MYT1L: variants seen among roughly 807,000 people sequenced by gnomAD.
MYT1L encodes the protein myelin transcription factor 1-like protein.
MYT1L carries 12 observed loss-of-function variants against 126.7 expected under a neutral mutation model. That is an observed-to-expected ratio of 0.09 (90% CI 0.06 to 0.15). The LOEUF (loss-of-function observed/expected upper bound fraction) is 0.15. Among genes scored for constraint, MYT1L ranks in the 10% least tolerant of loss-of-function variants. MYT1L has a pLI of 1.00. For synonymous variants in MYT1L, 541 were observed against 604.2 expected, an observed-to-expected ratio of 0.90 and a Z score of 1.53; for missense variants, 979 against 1,585.2, an observed-to-expected ratio of 0.62 and a Z score of 6.49.
At chr2:1,913,789 C>T (rs2052414131) in intron 11 of MYT1L, among the ~76,000 whole-genome samples, 1 of 152,122 alleles carries the variant, frequency 6.6e-6, no homozygotes, top group Non-Finnish European at 1.5e-5. Context: ...ATGCACACTC[C>T]CAGCCTCGCC....
intron 4 of MYT1L, among the ~76,000 whole-genome samples, chr2:2,049,211 A>G (rs193219387): frequency 6.4e-4 from 98 of 152,340 alleles, no homozygotes; most frequent in African/African-American, 2.2e-3. Flanking sequence ...CTATAAAGTT[A>G]TATTAACGGC....
At chr2:2,222,609 T>C (rs1391463129) in intron 2 of MYT1L, among the ~76,000 whole-genome samples, 1 of 152,198 alleles carries the variant, frequency 6.6e-6, no homozygotes, top group Non-Finnish European at 1.5e-5. Flanking sequence ...AAAATTATGA[T>C]GTTGCCTGGT....
intron 18 of MYT1L, among the ~76,000 whole-genome samples, chr2:1,861,503 CTT>C (rs34596674): frequency 6.1e-4 from 88 of 144,348 alleles, no homozygotes; most frequent in East Asian, 2.8e-3. Flanking sequence ...GTTTGTGAAT[CTT>C]TTTTTTTTTT....
intron 3 of MYT1L, among the ~76,000 whole-genome samples, chr2:2,148,315 T>C (rs1229643687): frequency 2.0e-5 from 3 of 152,182 alleles, no homozygotes; most frequent in African/African-American, 7.2e-5. Context: ...AGGCATTAGA[T>C]TCTCATATAC....
intron 5 of MYT1L, among the ~76,000 whole-genome samples, chr2:1,985,777 A>T (rs1409360489): frequency 6.6e-6 from 1 of 152,218 alleles, no homozygotes; most frequent in African/African-American, 2.4e-5. Context: ...GTCTTGTAAT[A>T]GGCCCCCTAG....
Position 2,228,942 on chromosome 2 carries a change from A to G in MYT1L, c.-421+55462T>C, listed in dbSNP as rs572944018. ...GAAGAAACACAAGCAGTAGAGAAGG[A>G]TATGAAGTGAAACACGGGGGTCTTC... On this transcript the variant is annotated intron_variant, in intron 2 of 24. Transcript: ENST00000647738. This position sits in a 1 kb window ranked among gnomAD's most constrained non-coding sequence, Gnocchi z 5.9. Among the ~76,000 whole-genome samples, 33 of 152,258 alleles carry G rather than the reference A, an allele frequency of 2.2e-4. No homozygotes were observed. Among genetic ancestry groups the G allele is most frequent in the African/African-American group, 7.5e-4 (31 of 41,558 alleles).
chr2:2,319,825 G>A (rs58523213), intron 1 of MYT1L, among the ~76,000 whole-genome samples: 7,109 of 151,756 alleles, frequency 0.047, 283 homozygotes, highest in African/African-American at 0.11. Flanking sequence ...TTTTTGTGGG[G>A]CAGAAATTTG....
chr2:2,306,790 C>T (rs1222372304), intron 1 of MYT1L, among the ~76,000 whole-genome samples: 1 of 152,124 alleles, frequency 6.6e-6, no homozygotes, highest in Admixed American at 6.6e-5. Flanking sequence ...TACTGAGAAC[C>T]AACTATGTCC....
At chr2:2,181,820 T>C (rs1286813164) in intron 2 of MYT1L, among the ~76,000 whole-genome samples, 1 of 152,198 alleles carries the variant, frequency 6.6e-6, no homozygotes, top group Non-Finnish European at 1.5e-5. Context: ...AAAAGGACTT[T>C]CCACGTTCCA....
Position 1,839,233 on chromosome 2 carries a change from G to A in MYT1L, c.2996C>T (p.Ser999Leu), listed in dbSNP as rs764705470. Residue 999 changes from serine to leucine, a missense_variant, in exon 21 of 25, where the codon TCG becomes TTG. Coordinates refer to ENST00000647738, the MANE Select transcript of MYT1L (RefSeq NM_001303052.2). ...YLNGSQFSWK[S>L]VKTEGMSCPT... is the part of the protein sequence containing the mutation. ...GCAGGACATGCCTTCCGTCTTGACC[G>A]ACTTCCAGGAGAACTGGGAGCCATT... The A allele has an allele frequency of 4.3e-6, 7 of 1,613,582 alleles. No individual in the cohort carries two copies. The highest frequency in any genetic ancestry group is 3.3e-5 in the Admixed American group (2 of 60,014).
At chr2:2,044,401 T>C (rs1010234256) in intron 4 of MYT1L, among the ~76,000 whole-genome samples, 13 of 152,172 alleles carry the variant, frequency 8.5e-5, no homozygotes, top group Middle Eastern at 3.2e-3. Context: ...GGTGTGCCCA[T>C]AGAGTATCAA....
chr2:1,937,489 T>C (rs1395763837), intron 9 of MYT1L, among the ~76,000 whole-genome samples: 2 of 151,884 alleles, frequency 1.3e-5, no homozygotes, highest in Non-Finnish European at 2.9e-5. Flanking sequence ...GAGAAGGCCC[T>C]AACGTCCGCG....
chr2:1,982,589 G>A (rs775957675), intron 5 of MYT1L, among the ~76,000 whole-genome samples: 1 of 152,180 alleles, frequency 6.6e-6, no homozygotes, highest in African/African-American at 2.4e-5. Context: ...AAGAAAAACT[G>A]TGGTGAGGGT....
chr2:2,211,532 G>T (rs902285784), intron 2 of MYT1L, among the ~76,000 whole-genome samples: 1 of 152,084 alleles, frequency 6.6e-6, no homozygotes, highest in Non-Finnish European at 1.5e-5. Context: ...CTCTGGCCAG[G>T]TGCAGTGGCT....
At chr2:2,082,039 C>A (rs959195473) in intron 3 of MYT1L, among the ~76,000 whole-genome samples, 3 of 152,166 alleles carry the variant, frequency 2.0e-5, no homozygotes, top group African/African-American at 7.2e-5. Context: ...CCACACCCAG[C>A]AACCTTAGTT....
At chr2:2,021,128 G>A (rs1171207220) in intron 4 of MYT1L, among the ~76,000 whole-genome samples, 1 of 152,182 alleles carries the variant, frequency 6.6e-6, no homozygotes, top group Non-Finnish European at 1.5e-5. Context: ...AGCTTAGGAG[G>A]GTGAAAGGCT....
At chr2:2,171,015 T>C (rs929456086) in intron 3 of MYT1L, among the ~76,000 whole-genome samples, 1 of 152,166 alleles carries the variant, frequency 6.6e-6, no homozygotes, top group African/African-American at 2.4e-5. Context: ...CTGGAGACCT[T>C]TGGGTGACAA....
intron 1 of MYT1L, among the ~76,000 whole-genome samples, chr2:2,306,472 C>G (rs2095860792): frequency 6.6e-6 from 1 of 152,170 alleles, no homozygotes. Context: ...ACATCATTGT[C>G]ACAGTAAGTC....
intron 21 of MYT1L, among the ~76,000 whole-genome samples, chr2:1,826,516 C>T (rs779203977): frequency 1.3e-5 from 2 of 152,196 alleles, no homozygotes; most frequent in Non-Finnish European, 1.5e-5. Context: ...CTCCCTGCTG[C>T]TATTCACAGG....
Sources: allele counts gnomAD v4.1 joint callset (sites outside exome capture counted in the v4.1 genomes callset), GRCh38; gene constraint gnomAD v4.1.1; non-coding constraint Gnocchi (gnomAD v3.1); transcripts MANE v1.5; gene names NCBI Gene and HGNC (gene_info 2026-07-23, HGNC 2026-07-21).